The following PGPEP1L variants were observed in gnomAD, a reference collection of about 807,000 sequenced individuals.
The protein encoded by PGPEP1L is pyroglutamyl-peptidase I like, also known as pyroglutamyl-peptidase 1-like protein.
In PGPEP1L, 7 loss-of-function variants were observed where a neutral mutation model predicts 6.0. The observed-to-expected ratio is 1.17, with a 90% CI of 0.66 to 2.19. PGPEP1L has a LOEUF of 2.19. PGPEP1L is among the 30% of genes most tolerant of loss of function. The pLI is 0.00. For missense variants in PGPEP1L, 209 were observed against 192.5 expected (o/e 1.09, Z -0.51); for synonymous variants, 103 against 83.9 (o/e 1.23, Z -1.24).
chr15:99,006,101 G>GC (rs2018055332), intron 1 of PGPEP1L, among the ~76,000 whole-genome samples: 1 of 152,300 alleles, frequency 6.6e-6, no homozygotes, highest in African/African-American at 2.4e-5. Context: ...AATATTGATT[G>GC]CAAGCACCGC....
chr15:98,984,404 CTATT>C (rs2017716746), intron 2 of PGPEP1L, among the ~76,000 whole-genome samples: 1 of 152,052 alleles, frequency 6.6e-6, no homozygotes, highest in Admixed American at 6.6e-5. Flanking sequence ...GAAAAGAAAA[CTATT>C]CATTCATGTA....
At chr15:98,996,723 G>A (rs7177074) in intron 2 of PGPEP1L, among the ~76,000 whole-genome samples, 8,741 of 152,052 alleles carry the variant, frequency 0.057, 358 homozygotes, top group African/African-American at 0.11. Context: ...GGTCCTCAGA[G>A]CTGCCCTTTA....
At chr15:98,983,690 C>T (rs982254996) in intron 2 of PGPEP1L, among the ~76,000 whole-genome samples, 2 of 152,114 alleles carry the variant, frequency 1.3e-5, no homozygotes, top group Admixed American at 6.6e-5. Flanking sequence ...GAAGAGTGCC[C>T]GTCCTAGTCT....
intron 2 of PGPEP1L, among the ~76,000 whole-genome samples, chr15:99,004,917 A>G (rs2018027329): frequency 1.3e-5 from 2 of 151,502 alleles, no homozygotes; most frequent in African/African-American, 4.9e-5. Flanking sequence ...GGGGTGCTTC[A>G]CAGCTCCCTG....
chr15:98,984,340 T>C (rs1350118894), intron 2 of PGPEP1L, among the ~76,000 whole-genome samples: 1 of 152,112 alleles, frequency 6.6e-6, no homozygotes, highest in African/African-American at 2.4e-5. Flanking sequence ...CATTGCTTGG[T>C]AATGCTCTTG....
chr15:98,996,503 C>A (rs981546159), intron 2 of PGPEP1L, among the ~76,000 whole-genome samples: 1 of 135,126 alleles, frequency 7.4e-6, no homozygotes, highest in Non-Finnish European at 1.6e-5. Context: ...TAGATGTATA[C>A]ATGCATGTGT....
chr15:98,991,322 A>C (rs1482739647), intron 2 of PGPEP1L, among the ~76,000 whole-genome samples: 2 of 152,232 alleles, frequency 1.3e-5, no homozygotes, highest in African/African-American at 4.8e-5. Flanking sequence ...AGAGAATACT[A>C]TAAACACCTC....
At chr15:98,996,275 G>A (rs1480075263) in intron 2 of PGPEP1L, among the ~76,000 whole-genome samples, 1 of 152,148 alleles carries the variant, frequency 6.6e-6, no homozygotes, top group Non-Finnish European at 1.5e-5. Flanking sequence ...AAAATCAGAG[G>A]TTTTCATTCA....
At chr15:98,982,912 T>C (rs2017688757) in intron 2 of PGPEP1L, among the ~76,000 whole-genome samples, 1 of 151,896 alleles carries the variant, frequency 6.6e-6, no homozygotes, top group Admixed American at 6.6e-5. Flanking sequence ...GGTCTCACCC[T>C]GTTGGCCAGG....
At chr15:98,994,176 G>A (rs2017856759) in intron 2 of PGPEP1L, among the ~76,000 whole-genome samples, 1 of 151,838 alleles carries the variant, frequency 6.6e-6, no homozygotes, top group Admixed American at 6.6e-5. Flanking sequence ...TGAGGCAGGA[G>A]AATAGCTTGA....
chr15:99,007,308 C>G (rs1436951709), intron 1 of PGPEP1L, 51 bp downstream of exon 1: 1 of 152,282 alleles, frequency 6.6e-6, no homozygotes, highest in Admixed American at 6.5e-5. Context: ...CACTTGTAGA[C>G]TTGGTCTCTA....
chr15:99,001,159 C>T lies in PGPEP1L; in HGVS notation c.-142+4270G>A, dbSNP rs782816530. ...TCAGTCAAGAAATAAACTCTGGACA[C>T]GCCGCCTTTAAGAACTGTAACACTC... On this transcript the variant is annotated intron_variant, in intron 2 of 4. Coordinates refer to ENST00000535714, the MANE Select transcript of PGPEP1L (RefSeq NM_001167902.2). 6.5e-5 allele frequency: 29 copies of T among 446,074 alleles called. 1 individual carries two copies. The Middle Eastern group carries it at 1.6e-3, about 25-fold the overall frequency. 27.6% of individuals were successfully genotyped at this position (446,074 alleles called of 1,614,324 possible).
At chr15:99,003,931 A>G (rs1289301455) in intron 2 of PGPEP1L, among the ~76,000 whole-genome samples, 3 of 148,364 alleles carry the variant, frequency 2.0e-5, no homozygotes, top group African/African-American at 7.8e-5. Flanking sequence ...AATAACACAA[A>G]TAAGAGCAAG....
At chr15:99,006,561 G>A (rs1356699117) in intron 1 of PGPEP1L, among the ~76,000 whole-genome samples, 2 of 152,236 alleles carry the variant, frequency 1.3e-5, no homozygotes, top group African/African-American at 4.8e-5. Flanking sequence ...AGGTGCACTG[G>A]CTCACGCCTT....
chr15:98,969,525 C>G lies in PGPEP1L; in HGVS notation c.109G>C (p.Gly37Arg). Residue 37 changes from glycine to arginine, a missense_variant, in exon 4 of 5, where the codon GGC (glycine) becomes CGC (arginine). Gly to Arg is a moderately radical substitution (Grantham distance 125, BLOSUM62 -2). Transcript: ENST00000535714. ...FWPEGGVCLPGSPDVLESGVC... is the reference protein window; with the variant it reads ...FWPEGGVCLPRSPDVLESGVC... ...CCTGACTCCAGCACGTCTGGGCTGCCAGGTAGGCACACGCCGCCCTCGGGC... is the reference window on the plus strand; with the variant it reads ...CCTGACTCCAGCACGTCTGGGCTGCGAGGTAGGCACACGCCGCCCTCGGGC... The G allele has an allele frequency of 6.2e-7, 1 of 1,614,042 alleles. No homozygotes were observed. The highest frequency in any genetic ancestry group is 8.5e-7 in the Non-Finnish European group (1 of 1,179,908).
chr15:98,977,000 T>C (rs1207176173), intron 2 of PGPEP1L, among the ~76,000 whole-genome samples: 2 of 36,696 alleles, frequency 5.5e-5, no homozygotes, highest in East Asian at 8.0e-4. Flanking sequence ...TCAAGTAAAA[T>C]GGCAAAAAAA....
At chr15:98,977,878 A>G (rs954961482) in intron 2 of PGPEP1L, among the ~76,000 whole-genome samples, 6 of 152,170 alleles carry the variant, frequency 3.9e-5, no homozygotes, top group African/African-American at 1.4e-4. Flanking sequence ...GTTTACATCT[A>G]TTATGTCTTA....
intron 1 of PGPEP1L, among the ~76,000 whole-genome samples, chr15:99,005,901 C>T (rs1390752511): frequency 6.6e-6 from 1 of 152,114 alleles, no homozygotes; most frequent in Non-Finnish European, 1.5e-5. Flanking sequence ...TGTGGGCTAC[C>T]CTACAAGTCG....
At chr15:98,971,305 G>T in intron 2 of PGPEP1L, 147 bp from the exon 3 acceptor site, 5 of 1,159,326 alleles carry the variant, frequency 4.3e-6, no homozygotes, top group Non-Finnish European at 5.9e-6. Context: ...TCACAAAGTG[G>T]CAAGGGGCCA....
Sources: allele counts gnomAD v4.1 joint callset (sites outside exome capture counted in the v4.1 genomes callset), GRCh38; gene constraint gnomAD v4.1.1; transcripts MANE v1.5; gene names NCBI Gene and HGNC (gene_info 2026-07-23, HGNC 2026-07-21).